The following DYNC1I2 variants were observed in gnomAD, a reference collection of about 807,000 sequenced individuals.
DYNC1I2 encodes dynein cytoplasmic 1 intermediate chain 2, also known as cytoplasmic dynein 1 intermediate chain 2.
A neutral mutation model predicts 88.6 loss-of-function variants in DYNC1I2; 53 were observed. That is an observed-to-expected ratio of 0.60 (90% CI 0.48 to 0.75). The LOEUF (loss-of-function observed/expected upper bound fraction) is 0.75. Ranked by LOEUF, DYNC1I2 falls within the 30% of genes least tolerant of loss-of-function variation. The pLI, the probability that DYNC1I2 is intolerant of heterozygous loss-of-function variation, is 0.00. For synonymous variants in DYNC1I2, 198 were observed against 254.6 expected (o/e 0.78, Z 2.12); for missense variants, 458 against 766.6 (o/e 0.60, Z 4.75).
At position 171,736,110 on chromosome 2, in the gene DYNC1I2, C is replaced by T. The variant is rs138063734; in HGVS notation, c.1536+6257C>T. Among the ~76,000 whole-genome samples, 310 of 152,258 alleles carry T rather than the reference C, an allele frequency of 2.0e-3. 1 individual carries two copies. Among genetic ancestry groups the T allele is most frequent in the Non-Finnish European group, 3.6e-3 (243 of 68,024 alleles). On this transcript the variant is annotated intron_variant, in intron 15 of 17. Coordinates refer to ENST00000397119, the MANE Select transcript of DYNC1I2 (RefSeq NM_001378.3). ...ATTAAAACAGGGTTAAAAGTTCATACTAGTCCTTAGAATAACAACTATGCA... is the reference window on the plus strand; with the variant it reads ...ATTAAAACAGGGTTAAAAGTTCATATTAGTCCTTAGAATAACAACTATGCA...
At chr2:171,692,623 T>C (rs1685481232) in intron 2 of DYNC1I2, among the ~76,000 whole-genome samples, 154 bp from the exon 3 acceptor site, 1 of 152,182 alleles carries the variant, frequency 6.6e-6, no homozygotes, top group African/African-American at 2.4e-5. Context: ...TTGAGAATGA[T>C]TTTCATTTAA....
Position 171,690,062 on chromosome 2 carries a change from G to A in DYNC1I2, c.-9-85G>A, listed in dbSNP as rs1685276946. 8 of 776,272 alleles carry A rather than the reference G, an allele frequency of 1.0e-5. No homozygotes were observed. The Admixed American group carries it at 2.5e-4, about 24-fold the overall frequency. 48.1% of individuals were successfully genotyped at this position (776,272 alleles called of 1,614,324 possible). The stretch of plus-strand genomic sequence containing the variant: ...TTTTTGAGATAGCATTGAACTATAT[G>A]GCCTTTCGGGACAGTTCTCTTCTTG... On this transcript the variant is annotated intron_variant, in intron 1 of 17. Coordinates refer to ENST00000397119, the MANE Select transcript of DYNC1I2 (RefSeq NM_001378.3).
chr2:171,713,005 G>A (rs1160647704), intron 6 of DYNC1I2, among the ~76,000 whole-genome samples, 179 bp downstream of exon 6: 1 of 152,192 alleles, frequency 6.6e-6, no homozygotes, highest in South Asian at 2.1e-4. Flanking sequence ...TCTGTGTGAT[G>A]TTCTATGTAC....
At chr2:171,723,445 T>G (rs1157639845) in intron 7 of DYNC1I2, among the ~76,000 whole-genome samples, 1 of 151,222 alleles carries the variant, frequency 6.6e-6, no homozygotes, top group Non-Finnish European at 1.5e-5. Context: ...AGATGTCCTA[T>G]TATTCTAAAA....
At chr2:171,720,502 G>A (rs1249697491) in intron 7 of DYNC1I2, among the ~76,000 whole-genome samples, 1 of 152,122 alleles carries the variant, frequency 6.6e-6, no homozygotes, top group Non-Finnish European at 1.5e-5. Context: ...GGAGGCCGAG[G>A]TGGGGCAGAT....
At chr2:171,697,558 C>G (rs529831446) in intron 3 of DYNC1I2, among the ~76,000 whole-genome samples, 1 of 151,774 alleles carries the variant, frequency 6.6e-6, no homozygotes, top group African/African-American at 2.4e-5. Flanking sequence ...CCTGTCATCC[C>G]ATTACTTTGG....
chr2:171,736,350 C>G (rs1360130001), intron 15 of DYNC1I2, among the ~76,000 whole-genome samples: 1 of 152,144 alleles, frequency 6.6e-6, no homozygotes, highest in Non-Finnish European at 1.5e-5. Context: ...TAACAGGCTC[C>G]TAAGACACTG....
Position 171,745,882 on chromosome 2 carries a change from T to C in DYNC1I2, c.1758T>C (p.Ala586=). 1 of 1,613,894 alleles carries C rather than the reference T, an allele frequency of 6.2e-7. No homozygotes were observed. ...VRWTHSGREI[A]VGDSEGQIVI... ...GGACCCATTCTGGCAGAGAGATTGC[T>C]GTGGGTGATTCTGAAGGACAGATTG... Residue 586 remains alanine (A), a synonymous_variant, in exon 17 of 18, where the codon GCT becomes GCC. Coordinates refer to ENST00000397119, the MANE Select transcript of DYNC1I2 (RefSeq NM_001378.3).
In DYNC1I2 at chr2:171,718,187, G is replaced by T. The variant is rs948010806; in HGVS notation, c.511+2744G>T. Among the ~76,000 whole-genome samples the T allele has an allele frequency of 2.1e-4, 32 of 152,120 alleles. 1 individual carries two copies. Among genetic ancestry groups the T allele is most frequent in the African/African-American group, 7.7e-4 (32 of 41,510 alleles). ...TGGCCACGCTGGTCTCAAACTCCTA[G>T]CCTTAAGTGATCTGCCCGCCTTGGC... On this transcript the variant is annotated intron_variant, in intron 7 of 17. Coordinates refer to ENST00000397119, the MANE Select transcript of DYNC1I2 (RefSeq NM_001378.3).
chr2:171,715,271 G>T, intron 6 of DYNC1I2, 57 bp from the exon 7 acceptor site: 3 of 1,112,568 alleles, frequency 2.7e-6, no homozygotes, highest in South Asian at 1.4e-5. Context: ...CTTAATTTTT[G>T]AAAATAACAT....
chr2:171,704,270 ATAGT>A (rs1173416370), intron 3 of DYNC1I2, among the ~76,000 whole-genome samples: 1 of 151,150 alleles, frequency 6.6e-6, no homozygotes, highest in African/African-American at 2.4e-5. Flanking sequence ...TTTGTCCTGG[ATAGT>A]TAAAGAAGTA....
At chr2:171,738,832 G>A (rs77168164) in intron 15 of DYNC1I2, among the ~76,000 whole-genome samples, 6,828 of 152,250 alleles carry the variant, frequency 0.045, 220 homozygotes, top group Non-Finnish European at 0.069. Context: ...CTCTGCAGAT[G>A]ATTGTGCACA....
chr2:171,699,641 G>T (rs1686067117), intron 3 of DYNC1I2, among the ~76,000 whole-genome samples: 1 of 143,794 alleles, frequency 7.0e-6, no homozygotes, highest in Non-Finnish European at 1.5e-5. Flanking sequence ...TGTGGCGGCG[G>T]GCGGGGGTGC....
At chr2:171,719,318 AG>A (rs920743855) in intron 7 of DYNC1I2, among the ~76,000 whole-genome samples, 9 of 152,312 alleles carry the variant, frequency 5.9e-5, no homozygotes, top group African/African-American at 2.2e-4. Context: ...TCATGTCTGG[AG>A]CTCTTACATT....
chr2:171,716,112 A>C (rs932932658), intron 7 of DYNC1I2, among the ~76,000 whole-genome samples: 2 of 148,430 alleles, frequency 1.3e-5, no homozygotes, highest in Non-Finnish European at 3.0e-5. Context: ...TATATCATAC[A>C]AAAAAAAAAG....
chr2:171,714,189 CT>C lies in DYNC1I2; in HGVS notation c.396-1130del, dbSNP rs1425469024. Among the ~76,000 whole-genome samples, 15 of 151,374 alleles carry C rather than the reference CT, an allele frequency of 9.9e-5. No homozygotes were observed. The South Asian group carries it at 2.1e-3, about 21-fold the overall frequency. On this transcript the variant is annotated intron_variant, in intron 6 of 17. Transcript: ENST00000397119. ...TTGTCCACTTAATTCTTTGACTATA[CT>C]TTTTTTTTCCCTTTCTTTTTTATTT...
intron 7 of DYNC1I2, among the ~76,000 whole-genome samples, chr2:171,721,123 A>T (rs1330450663): frequency 2.2e-4 from 6 of 27,648 alleles, no homozygotes; most frequent in African/African-American, 7.5e-4. Flanking sequence ...CCATCTCTTA[A>T]AAAAAAAAAA....
chr2:171,733,661 T>A (rs1267128569), intron 15 of DYNC1I2, among the ~76,000 whole-genome samples: 1 of 151,814 alleles, frequency 6.6e-6, no homozygotes, highest in Non-Finnish European at 1.5e-5. Flanking sequence ...TCCTTATAGA[T>A]GCCGGATATT....
chr2:171,696,483 G>GCTTTTGGT (rs994721282), intron 3 of DYNC1I2, among the ~76,000 whole-genome samples: 1 of 152,006 alleles, frequency 6.6e-6, no homozygotes, highest in African/African-American at 2.4e-5. Flanking sequence ...TTTTTTGTGT[G>GCTTTTGGT]CTTTTGGTCT....
Sources: allele counts gnomAD v4.1 joint callset (sites outside exome capture counted in the v4.1 genomes callset), GRCh38; gene constraint gnomAD v4.1.1; transcripts MANE v1.5; gene names NCBI Gene and HGNC (gene_info 2026-07-23, HGNC 2026-07-21).